The following DTNA variants were observed in gnomAD, a reference collection of about 807,000 sequenced individuals.
DTNA encodes dystrobrevin alpha, also known as dystrophin-related protein 3.
A neutral mutation model predicts 100.7 loss-of-function variants in DTNA; 43 were observed. The observed-to-expected ratio is 0.43, with a 90% CI of 0.33 to 0.55. DTNA has a LOEUF of 0.55. Among genes scored for constraint, DTNA ranks in the 20% least tolerant of loss-of-function variants. DTNA has a pLI of 0.04. For synonymous variants in DTNA, 349 were observed against 347.9 expected (o/e 1.00, Z -0.04); for missense variants, 798 against 953.9 (o/e 0.84, Z 2.15).
intron 1 of DTNA, among the ~76,000 whole-genome samples, chr18:34,528,513 T>C (rs917162605): frequency 6.6e-6 from 1 of 152,018 alleles, no homozygotes; most frequent in Admixed American, 6.6e-5. Context: ...TTTTTCCGAC[T>C]TAAATAAGGC....
chr18:34,838,284 A>C, intron 12 of DTNA, 113 bp downstream of exon 12: 2 of 1,194,028 alleles, frequency 1.7e-6, no homozygotes, highest in Middle Eastern at 2.0e-4. Flanking sequence ...CAGTAAAAGC[A>C]GCTCTGCTTT....
intron 1 of DTNA, among the ~76,000 whole-genome samples, chr18:34,580,816 C>A (rs969627212): frequency 3.3e-5 from 5 of 152,094 alleles, no homozygotes; most frequent in African/African-American, 1.2e-4. Flanking sequence ...TCTTGCCCTG[C>A]CCCAGCCTGT....
intron 3 of DTNA, among the ~76,000 whole-genome samples, chr18:34,785,551 A>G (rs1216090331): frequency 6.6e-6 from 1 of 152,170 alleles, no homozygotes; most frequent in Non-Finnish European, 1.5e-5. Flanking sequence ...TCAGAACTCT[A>G]TCAGAAAGGA....
chr18:34,497,593 G>A (rs1294237886), intron 1 of DTNA, among the ~76,000 whole-genome samples: 4 of 151,892 alleles, frequency 2.6e-5, no homozygotes, highest in Non-Finnish European at 5.9e-5. Flanking sequence ...AAATATTGAT[G>A]TATAATACCT....
At position 34,839,454 on chromosome 18, in the gene DTNA, G is replaced by A. The variant is rs530562831; in HGVS notation, c.1346+617G>A. On this transcript the variant is annotated intron_variant, in intron 13 of 22. Transcript: ENST00000444659. ...GGAATTAAGATAGCCCTGTGTACTT[G>A]GATAAAGCCATTCAAAAGGCTTTTC... Among the ~76,000 whole-genome samples the A allele has an allele frequency of 2.0e-5, 3 of 152,236 alleles. No individual in the cohort carries two copies. The South Asian group carries it at 6.2e-4, about 32-fold the overall frequency.
rs768575898 is a variant in DTNA, at chr18:34,875,309, G to A, written c.1814G>A (p.Arg605Gln). ...TISRPIPMPI[R>Q]SASACSTPTH... is the part of the protein sequence containing the mutation. ...AGCAGGCCAATTCCCATGCCCATCC[G>A]GTCAGCGTCAGCCTGCTCCACCCCG... The change falls in exon 18 of 23, where the codon CGG becomes CAG. Residue 605 changes from arginine (R) to glutamine (Q), a missense_variant. By Grantham distance (43) the Arg-to-Gln change is conservative. Coordinates refer to ENST00000444659, the MANE Select transcript of DTNA (RefSeq NM_001386795.1). 12 of 1,614,034 alleles carry A rather than the reference G, an allele frequency of 7.4e-6. No homozygotes were observed. Among genetic ancestry groups the A allele is most frequent in the Admixed American group, 3.3e-5 (2 of 60,008 alleles).
intron 1 of DTNA, among the ~76,000 whole-genome samples, chr18:34,616,850 T>C (rs1459199306): frequency 6.6e-6 from 1 of 152,164 alleles, no homozygotes; most frequent in Non-Finnish European, 1.5e-5. Context: ...CCTCCCTGGC[T>C]AGCTGTATTC....
Position 34,885,056 on chromosome 18 carries a change from G to A in DTNA, c.*31+280G>A, listed in dbSNP as rs530908994. On this transcript the variant is annotated intron_variant, in intron 22 of 22. Coordinates refer to ENST00000444659, the MANE Select transcript of DTNA (RefSeq NM_001386795.1). ...TAGAGACGTTCCAGTAATCCTCTGT[G>A]GCTATGAAACTTACCAATAAGTTTG... 2.0e-5 allele frequency among the ~76,000 whole-genome samples: 3 copies of A among 152,252 alleles called. No homozygotes were observed. In the South Asian group the frequency reaches 6.2e-4, roughly 32 times the overall value.
chr18:34,788,380 G>A (rs2094583703), intron 3 of DTNA, among the ~76,000 whole-genome samples: 1 of 151,994 alleles, frequency 6.6e-6, no homozygotes, highest in Non-Finnish European at 1.5e-5. Context: ...CTTATTATAA[G>A]CACTATGTGG....
intron 4 of DTNA, among the ~76,000 whole-genome samples, chr18:34,801,258 C>G (rs761398598): frequency 2.0e-5 from 3 of 152,004 alleles, no homozygotes; most frequent in Non-Finnish European, 4.4e-5. Flanking sequence ...TCTTAAATAC[C>G]TTGTTACATG....
At chr18:34,591,343 T>C (rs2049702860) in intron 1 of DTNA, among the ~76,000 whole-genome samples, 1 of 152,196 alleles carries the variant, frequency 6.6e-6, no homozygotes, top group African/African-American at 2.4e-5. Context: ...ACAAAACATA[T>C]TTATCTAAGA....
chr18:34,857,282 G>A (rs992577056), intron 15 of DTNA, among the ~76,000 whole-genome samples: 2 of 152,158 alleles, frequency 1.3e-5, no homozygotes, highest in Admixed American at 6.5e-5. Context: ...CTGATTCTGG[G>A]GGCTTTGCGA....
intron 1 of DTNA, among the ~76,000 whole-genome samples, chr18:34,695,745 A>G (rs1406209237): frequency 3.3e-5 from 5 of 152,234 alleles, no homozygotes; most frequent in Non-Finnish European, 7.3e-5. Context: ...TGGAAACAAC[A>G]GGACCAGATC....
intron 1 of DTNA, among the ~76,000 whole-genome samples, chr18:34,694,910 G>A (rs946528651): frequency 1.3e-5 from 2 of 152,152 alleles, no homozygotes; most frequent in African/African-American, 2.4e-5. Context: ...ACAGGTTCTG[G>A]TTTTATACTG....
chr18:34,541,603 C>T (rs2044252187), intron 1 of DTNA, among the ~76,000 whole-genome samples: 1 of 152,052 alleles, frequency 6.6e-6, no homozygotes, highest in African/African-American at 2.4e-5. Flanking sequence ...AACTGTGAGT[C>T]AATTAAACCA....
chr18:34,747,104 C>CTATATATATATATATATATATATATA (rs35537934), intron 1 of DTNA, among the ~76,000 whole-genome samples: 67 of 148,286 alleles, frequency 4.5e-4, no homozygotes, highest in Middle Eastern at 3.5e-3. Context: ...ATATCTGTAT[C>CTATATATATATATATATATATATATA]TATATATATA....
At chr18:34,842,950 G>A (rs1457243881) in intron 13 of DTNA, among the ~76,000 whole-genome samples, 1 of 152,010 alleles carries the variant, frequency 6.6e-6, no homozygotes, top group Non-Finnish European at 1.5e-5. Flanking sequence ...TCTTCAGTGG[G>A]GCAGGGACCC....
chr18:34,813,200 G>C (rs2095520076), intron 6 of DTNA, among the ~76,000 whole-genome samples: 1 of 152,160 alleles, frequency 6.6e-6, no homozygotes, highest in African/African-American at 2.4e-5. Context: ...TCTTGACTGG[G>C]TGTGGTGGCT....
chr18:34,777,471 A>G (rs770346481), intron 3 of DTNA, among the ~76,000 whole-genome samples: 3 of 152,240 alleles, frequency 2.0e-5, no homozygotes, highest in Non-Finnish European at 4.4e-5. Context: ...GTTTACCCCA[A>G]TGCTCAGTAT....
Sources: gnomAD v4.1 joint callset for allele counts (sites outside exome capture counted in the v4.1 genomes callset) on GRCh38, gnomAD v4.1.1 for gene constraint, MANE v1.5 for transcripts, NCBI Gene and HGNC (gene_info 2026-07-23, HGNC 2026-07-21) for gene names.